Variants in COPS2 observed in about 807,000 individuals in gnomAD.
COPS2 encodes the protein COP9 signalosome subunit 2.
Under a neutral mutation model 66.1 loss-of-function variants are expected in COPS2, and 10 were observed. The observed-to-expected ratio is 0.15, with a 90% CI of 0.09 to 0.26. COPS2 has a LOEUF of 0.26. Among genes scored for constraint, COPS2 ranks in the 10% least tolerant of loss-of-function variants. The pLI, the probability that COPS2 is intolerant of heterozygous loss-of-function variation, is 1.00. For synonymous variants in COPS2, 179 were observed against 171.3 expected (o/e 1.04, Z -0.35); for missense variants, 215 against 513.3 (o/e 0.42, Z 5.62).
chr15:49,134,153 T>C, intron 7 of COPS2, 45 bp from the exon 8 acceptor site: 2 of 1,543,180 alleles, frequency 1.3e-6, no homozygotes, highest in Non-Finnish European at 1.8e-6. Context: ...TTCAGTTCTG[T>C]AATAACAAAA....
chr15:49,131,851 T>C (rs2084211805), intron 9 of COPS2, among the ~76,000 whole-genome samples: 1 of 152,202 alleles, frequency 6.6e-6, no homozygotes, highest in South Asian at 2.1e-4. Context: ...AAAAAAAACA[T>C]CTTATACAAA....
At chr15:49,129,894 G>C (rs1169957670) in intron 10 of COPS2, among the ~76,000 whole-genome samples, 1 of 152,082 alleles carries the variant, frequency 6.6e-6, no homozygotes, top group African/African-American at 2.4e-5. Context: ...CAAGTTCCTT[G>C]TTTTAGACTC....
At position 49,124,803 on chromosome 15, in the gene COPS2, A is replaced by T. The variant is rs2084152239; in HGVS notation, c.*3147T>A. On this transcript the variant is annotated 3_prime_UTR_variant, in exon 13 of 13. Coordinates refer to ENST00000388901, the MANE Select transcript of COPS2 (RefSeq NM_004236.4). Reference sequence around the variant, plus strand: ...AGAGAAATTTTCAGGTTTAAAAGTGACTAAAATAATATTTTAAAAAATCCT... The same window carrying T: ...AGAGAAATTTTCAGGTTTAAAAGTGTCTAAAATAATATTTTAAAAAATCCT... 6.6e-6 allele frequency: 1 copy of T among 152,162 alleles called. No homozygotes were observed. Among genetic ancestry groups the T allele is most frequent in the Non-Finnish European group, 1.5e-5 (1 of 68,034 alleles). 9.4% of individuals were successfully genotyped at this position (152,162 alleles called of 1,614,324 possible). A position where few individuals can be genotyped will look rare whatever the true frequency, so the allele number is the denominator to read the frequency against.
intron 1 of COPS2, among the ~76,000 whole-genome samples, chr15:49,151,927 G>A: frequency 6.6e-6 from 1 of 151,178 alleles, no homozygotes; most frequent in East Asian, 1.9e-4. Flanking sequence ...TTTTCAGGTG[G>A]TATCCTAACT....
rs1402334632 is a variant in COPS2 at position 49,124,500 on chromosome 15, G to T, written c.*3450C>A. ...GAAAACCTCCAGAAAAAGAAAAAAA[G>T]AGGAAAATTTTAATTGTGGTCACAT... On this transcript the variant is annotated 3_prime_UTR_variant, in exon 13 of 13. Coordinates refer to ENST00000388901, the MANE Select transcript of COPS2 (RefSeq NM_004236.4). The T allele has an allele frequency of 6.6e-6, 1 of 151,958 alleles. No homozygotes were observed. The highest frequency in any genetic ancestry group is 1.9e-4 in the East Asian group (1 of 5,196). The allele number at this position is 151,958 out of a possible 1,614,324, so 9.4% of individuals were successfully genotyped here.
At chr15:49,140,094 C>T (rs1190722337) in intron 3 of COPS2, among the ~76,000 whole-genome samples, 2 of 152,110 alleles carry the variant, frequency 1.3e-5, no homozygotes, top group African/African-American at 4.8e-5. Context: ...TCAAGCGATT[C>T]TCCTGCCTCA....
intron 4 of COPS2, chr15:49,137,698 C>T (rs1336518531): frequency 2.7e-6 from 1 of 364,206 alleles, no homozygotes; most frequent in Non-Finnish European, 5.0e-6. Context: ...AGTTCTCATG[C>T]TGTAATAGTA....
chr15:49,152,739 C>T (rs1036615155), intron 1 of COPS2, among the ~76,000 whole-genome samples: 6 of 152,026 alleles, frequency 3.9e-5, no homozygotes, highest in Non-Finnish European at 8.8e-5. Flanking sequence ...AGGAGAATCG[C>T]TCGAACCTGG....
chr15:49,145,050 G>C lies in COPS2; in HGVS notation c.83C>G (p.Pro28Arg), dbSNP rs1340643217. 6.3e-7 allele frequency: 1 copy of C among 1,595,192 alleles called. No individual in the cohort carries two copies. The highest frequency in any genetic ancestry group is 8.5e-7 in the Non-Finnish European group (1 of 1,170,030). The change falls in exon 2 of 13, where the codon CCA (proline) becomes CGA (arginine). Residue 28 changes from proline (P) to arginine (R), a missense_variant. By Grantham distance (103) the Pro-to-Arg change is moderately radical. Coordinates refer to ENST00000388901, the MANE Select transcript of COPS2 (RefSeq NM_004236.4). ...GTACTGATTTTCCAAATCCACATTT[G>C]GCTCGGAGTTACTATCTTCAGAGTA... ...LEYSEDSNSE[P>R]NVDLENQYYN...
rs763008123 is a variant in COPS2, at chr15:49,126,859, A to G, written c.*1091T>C. On this transcript the variant is annotated 3_prime_UTR_variant, in exon 13 of 13. Transcript: ENST00000388901. ...AAAAATAATCAAGCTTCCTAATACTATATTTTTTAAAACAATGTATAATCA... is the reference window on the plus strand; with the variant it reads ...AAAAATAATCAAGCTTCCTAATACTGTATTTTTTAAAACAATGTATAATCA... 19 of 152,146 alleles carry G rather than the reference A, an allele frequency of 1.2e-4. No individual in the cohort carries two copies. The highest frequency in any genetic ancestry group is 3.9e-4 in the Admixed American group (6 of 15,268). The allele number at this position is 152,146 out of a possible 1,614,324, so 9.4% of individuals were successfully genotyped here. A position where few individuals can be genotyped will look rare whatever the true frequency, so the allele number is the denominator to read the frequency against.
At chr15:49,141,140 A>C (rs906068080) in intron 3 of COPS2, among the ~76,000 whole-genome samples, 6 of 152,226 alleles carry the variant, frequency 3.9e-5, no homozygotes, top group African/African-American at 1.4e-4. Context: ...CAAAAGGGAA[A>C]TCAGAGAAAT....
chr15:49,149,655 A>T (rs1454792552), intron 1 of COPS2, among the ~76,000 whole-genome samples: 1 of 152,228 alleles, frequency 6.6e-6, no homozygotes, highest in Non-Finnish European at 1.5e-5. Context: ...AATTTTGACT[A>T]TATCTGGAAT....
Position 49,130,701 on chromosome 15 carries a change from T to A in COPS2, c.1045+18A>T. The A allele has an allele frequency of 7.0e-7, 1 of 1,433,166 alleles. No individual in the cohort carries two copies. The highest frequency in any genetic ancestry group is 9.8e-7 in the Non-Finnish European group (1 of 1,023,772). The allele number at this position is 1,433,166 out of a possible 1,614,324, so 88.8% of individuals were successfully genotyped here. A position where few individuals can be genotyped will look rare whatever the true frequency, so the allele number is the denominator to read the frequency against. The stretch of plus-strand genomic sequence containing the variant: ...TGGCAAAGAAAGTAATAGAATCCAG[T>A]TGGCAGAAAGAACATACCTTCAATG... On this transcript the variant is annotated intron_variant, in intron 10 of 12. Transcript: ENST00000388901.
Position 49,142,876 on chromosome 15 carries a change from A to G in COPS2, c.246+1351T>C, listed in dbSNP as rs533900000. Among the ~76,000 whole-genome samples, 9 of 152,282 alleles carry G rather than the reference A, an allele frequency of 5.9e-5. No homozygotes were observed. The South Asian group carries it at 1.9e-3, about 32-fold the overall frequency. Reference sequence around the variant, plus strand: ...CCATTATAGGTTCTAAGATTATAACAACGAATAACACAAAGTCCTGCTCTC... The same window carrying G: ...CCATTATAGGTTCTAAGATTATAACGACGAATAACACAAAGTCCTGCTCTC... On this transcript the variant is annotated intron_variant, in intron 3 of 12. Transcript: ENST00000388901.
At chr15:49,142,230 T>G (rs2084294035) in intron 3 of COPS2, among the ~76,000 whole-genome samples, 1 of 152,254 alleles carries the variant, frequency 6.6e-6, no homozygotes, top group Admixed American at 6.5e-5. Context: ...TTTCATTCTT[T>G]AACTAGATTT....
chr15:49,150,007 ACTGT>A (rs1356695978), intron 1 of COPS2, among the ~76,000 whole-genome samples: 1 of 152,158 alleles, frequency 6.6e-6, no homozygotes, highest in Non-Finnish European at 1.5e-5. Flanking sequence ...AAACAAAAAA[ACTGT>A]CTGCTGGGCA....
At chr15:49,128,887 T>C in intron 11 of COPS2, 127 bp from the exon 12 acceptor site, 1 of 608,380 alleles carries the variant, frequency 1.6e-6, no homozygotes, top group Admixed American at 3.0e-5. Context: ...TTTTTAAACA[T>C]ATTTCATTAT....
At chr15:49,147,506 A>G (rs180710260) in intron 1 of COPS2, among the ~76,000 whole-genome samples, 46 of 152,246 alleles carry the variant, frequency 3.0e-4, no homozygotes, top group African/African-American at 1.1e-3. Context: ...CAAATGAGAA[A>G]CAGTATTTTA....
intron 3 of COPS2, among the ~76,000 whole-genome samples, chr15:49,141,238 A>G (rs1028818274): frequency 1.3e-5 from 2 of 152,162 alleles, no homozygotes; most frequent in African/African-American, 4.8e-5. Context: ...TTGGTGGCTC[A>G]CTCCTGTAAT....
Sources: gnomAD v4.1 joint callset for allele counts (sites outside exome capture counted in the v4.1 genomes callset) on GRCh38, gnomAD v4.1.1 for gene constraint, MANE v1.5 for transcripts, NCBI Gene and HGNC (gene_info 2026-07-23, HGNC 2026-07-21) for gene names.